Variants in GRHL3 observed in about 807,000 individuals in gnomAD.
GRHL3 encodes the protein grainyhead like transcription factor 3.
GRHL3 carries 20 observed loss-of-function variants against 70.3 expected under a neutral mutation model. The observed-to-expected ratio is 0.28, with a 90% CI of 0.20 to 0.41. The LOEUF is 0.41. Among genes scored for constraint, GRHL3 ranks in the 10% least tolerant of loss-of-function variants. GRHL3 has a pLI of 1.00. For synonymous variants in GRHL3, 299 were observed against 299.9 expected (o/e 1.00, Z 0.03); for missense variants, 637 against 762.3 (o/e 0.84, Z 1.94).
chr1:24,357,254 T>A (rs1351309773), downstream of GRHL3: 1 of 152,166 alleles, frequency 6.6e-6, no homozygotes, highest in Non-Finnish European at 1.5e-5. Flanking sequence ...AACGAGGTGA[T>A]GTGTGAAGGT....
downstream of GRHL3, among the ~76,000 whole-genome samples, chr1:24,359,195 C>G (rs1569952248): frequency 6.6e-6 from 1 of 152,184 alleles, no homozygotes; most frequent in African/African-American, 2.4e-5. This position sits in a 1 kb window ranked among gnomAD's most constrained non-coding sequence, Gnocchi z 5.3. Flanking sequence ...CAGGCAGATG[C>G]CGGCACGTGC....
In GRHL3 at chr1:24,336,770, G is replaced by A. The variant is rs1190713721; in HGVS notation, c.555G>A (p.Gly185=). 9 of 1,613,396 alleles carry A rather than the reference G, an allele frequency of 5.6e-6. No individual in the cohort carries two copies. The highest frequency in any genetic ancestry group is 8.5e-7 in the Non-Finnish European group (1 of 1,179,722). Residue 185 remains glycine, a synonymous_variant, in exon 4 of 16, where the codon GGG becomes GGA. Coordinates refer to ENST00000361548, the MANE Select transcript of GRHL3 (RefSeq NM_198173.3). ...SLNSLFESIH[G]VPPTQRWQPD... ...ACTCCTTGTTTGAGAGCATTCATGG[G>A]GTGCCGCCCACACAGCGCTGGCAGC...
rs757398629 is a variant in GRHL3, at chr1:24,331,556, G to A, written c.148G>A (p.Val50Ile). The change falls in exon 2 of 16, where the codon GTC becomes ATC. Residue 50 changes from valine to isoleucine, a missense_variant. Around this residue, in one of 2 missense-constraint regions of GRHL3, gnomAD observed 250 missense variants for 248.6 expected, o/e 1.01. Transcript: ENST00000361548. The part of the protein sequence containing the change: ...LTAATKAMMR[V>I]NGDDDSVAAL... ...AGCTGCCACAAAGGCCATGATGAGAGTCAATGGAGATGATGACAGTGTTGC... is the reference window on the plus strand; with the variant it reads ...AGCTGCCACAAAGGCCATGATGAGAATCAATGGAGATGATGACAGTGTTGC... 1.7e-5 allele frequency: 27 copies of A among 1,596,446 alleles called. No homozygotes were observed. The Admixed American group carries it at 4.0e-4, about 24-fold the overall frequency.
At chr1:24,354,286 G>A in intron 15 of GRHL3, 88 bp from the exon 16 acceptor site, 1 of 850,338 alleles carries the variant, frequency 1.2e-6, no homozygotes. Flanking sequence ...TACCCACTGG[G>A]TATGACCCAT....
chr1:24,333,860 G>A (rs1639698445), intron 2 of GRHL3, among the ~76,000 whole-genome samples: 1 of 152,128 alleles, frequency 6.6e-6, no homozygotes, highest in African/African-American at 2.4e-5. Context: ...TTAGTACAAT[G>A]CCTAGCCCAT....
At chr1:24,359,197 G>A (rs1184876408), downstream of GRHL3, among the ~76,000 whole-genome samples, 2 of 152,174 alleles carry the variant, frequency 1.3e-5, no homozygotes, top group Non-Finnish European at 2.9e-5. The surrounding 1 kb of genome is among the most constrained non-coding windows in gnomAD (Gnocchi z 5.3). Flanking sequence ...GGCAGATGCC[G>A]GCACGTGCAC....
chr1:24,361,858 G>A (rs567761951), intron 15 of GRHL3, among the ~76,000 whole-genome samples: 1 of 152,296 alleles, frequency 6.6e-6, no homozygotes, highest in South Asian at 2.1e-4. Context: ...TAAAAGGAAG[G>A]GGTTGGACAA....
In GRHL3 at chr1:24,334,235, T is replaced by C. The variant is rs1278421648; in HGVS notation, c.205-410T>C. Among the ~76,000 whole-genome samples the C allele has an allele frequency of 6.6e-6, 1 of 152,100 alleles. No individual in the cohort carries two copies. The highest frequency in any genetic ancestry group is 1.5e-5 in the Non-Finnish European group (1 of 68,018). ...TAATAAAGACATACCCAGGACTGGG[T>C]AATTTTTAAAGGAAAGAGGTTTAAT... On this transcript the variant is annotated intron_variant, in intron 2 of 15. Transcript: ENST00000361548. The surrounding 1 kb of genome is among the most constrained non-coding windows in gnomAD (Gnocchi z 4.3).
In GRHL3 at chr1:24,334,562, C is replaced by A; in HGVS notation, c.205-83C>A. ...CATATCACCAAAGTTACTCCCCTGC[C>A]TGGCCAAAGCTGCAGGAGGGGATTG... On this transcript the variant is annotated intron_variant, in intron 2 of 15. Coordinates refer to ENST00000361548, the MANE Select transcript of GRHL3 (RefSeq NM_198173.3). The surrounding 1 kb of genome is among the most constrained non-coding windows in gnomAD (Gnocchi z 4.3). The A allele has an allele frequency of 1.8e-6, 2 of 1,089,146 alleles. No individual in the cohort carries two copies. Among genetic ancestry groups the A allele is most frequent in the South Asian group, 1.3e-5 (1 of 75,136 alleles). The allele number at this position is 1,089,146 out of a possible 1,614,324, so 67.5% of individuals were successfully genotyped here.
rs1639170619 is a variant in GRHL3 at position 24,321,219 on chromosome 1, T to A, written c.17+1651T>A. The stretch of plus-strand genomic sequence containing the variant: ...TTACTTGAACAGAAAGGTTTCTTGC[T>A]TTTCTCCTCCCTAATGGTTTGGATT... On this transcript the variant is annotated intron_variant, in intron 1 of 15. Transcript: ENST00000361548. The surrounding 1 kb of genome is among the most constrained non-coding windows in gnomAD (Gnocchi z 4.0). Among the ~76,000 whole-genome samples the A allele has an allele frequency of 6.6e-6, 1 of 152,234 alleles. No homozygotes were observed. The highest frequency in any genetic ancestry group is 6.5e-5 in the Admixed American group (1 of 15,284).
rs1639891452 is a variant in GRHL3, at chr1:24,338,027, C to T, written c.876C>T (p.Val292=). The change falls in exon 7 of 16, where the codon GTC becomes GTT. Residue 292 remains valine (V), a synonymous_variant. Coordinates refer to ENST00000361548, the MANE Select transcript of GRHL3 (RefSeq NM_198173.3). ...TGGTTGTCTTCGACAATGAGAAGGT[C>T]CCAGTAGAGCAGCTGCGCTTCTGGA... ...VVMVVFDNEK[V]PVEQLRFWKH... is the part of the protein sequence containing the mutation. 3 of 1,612,714 alleles carry T rather than the reference C, an allele frequency of 1.9e-6. No homozygotes were observed. In the South Asian group the frequency reaches 3.3e-5, roughly 18 times the overall value.
intron 8 of GRHL3, 61 bp downstream of exon 8, chr1:24,339,823 G>C (rs1413900377): frequency 9.0e-7 from 1 of 1,114,656 alleles, no homozygotes; most frequent in Admixed American, 1.9e-5. Context: ...CTATTCTGGG[G>C]TAGAGGCTTT....
intron 8 of GRHL3, among the ~76,000 whole-genome samples, chr1:24,340,420 T>G (rs537291659): frequency 5.3e-5 from 8 of 152,308 alleles, no homozygotes; most frequent in Non-Finnish European, 1.0e-4. Flanking sequence ...CCTCTGGTGA[T>G]GTTTTCATGC....
chr1:24,326,411 A>C (rs1407711951), intron 1 of GRHL3, among the ~76,000 whole-genome samples: 74 of 45,070 alleles, frequency 1.6e-3, no homozygotes, highest in Middle Eastern at 0.012. Flanking sequence ...ATTCCCCTCC[A>C]CCCCTCTTCC....
At chr1:24,323,782 T>G (rs1341676834) in intron 1 of GRHL3, among the ~76,000 whole-genome samples, 1 of 152,224 alleles carries the variant, frequency 6.6e-6, no homozygotes, top group African/African-American at 2.4e-5. Context: ...CCTCCCCCTC[T>G]CTATTCCTTT....
intron 15 of GRHL3, among the ~76,000 whole-genome samples, chr1:24,363,166 C>T (rs1641232513): frequency 6.6e-6 from 1 of 152,224 alleles, no homozygotes; most frequent in Non-Finnish European, 1.5e-5. Flanking sequence ...TGTCTGCTTT[C>T]TTAGCCAAGG....
At chr1:24,346,795 G>A (rs1640306834) in intron 13 of GRHL3, among the ~76,000 whole-genome samples, 154 bp downstream of exon 13, 1 of 152,164 alleles carries the variant, frequency 6.6e-6, no homozygotes, top group African/African-American at 2.4e-5. Flanking sequence ...GGGGTAAGGA[G>A]GGAACCTCAG....
intron 11 of GRHL3, 41 bp downstream of exon 11, chr1:24,343,066 G>C (rs777506268): frequency 2.5e-6 from 4 of 1,612,686 alleles, no homozygotes; most frequent in Non-Finnish European, 3.4e-6. Flanking sequence ...GCCGAGAGAG[G>C]GTCCTGGCTC....
chr1:24,354,662 G>A lies in GRHL3; in HGVS notation c.*174G>A, dbSNP rs550676132. The A allele has an allele frequency of 3.6e-4, 196 of 551,856 alleles. No homozygotes were observed. Among genetic ancestry groups the A allele is most frequent in the African/African-American group, 3.3e-3 (173 of 53,018 alleles). 34.2% of individuals were successfully genotyped at this position (551,856 alleles called of 1,614,324 possible). On this transcript the variant is annotated 3_prime_UTR_variant, in exon 16 of 16. Coordinates refer to ENST00000361548, the MANE Select transcript of GRHL3 (RefSeq NM_198173.3). ...GTCAGGGCCAGGGAGAGACCTAGGG[G>A]GTCCCCTGGCCTGGATCCCCATGGT...
Sources: allele counts gnomAD v4.1 joint callset (sites outside exome capture counted in the v4.1 genomes callset), GRCh38; gene constraint gnomAD v4.1.1; regional missense constraint gnomAD v4.1.1; non-coding constraint Gnocchi (gnomAD v3.1); transcripts MANE v1.5; gene names NCBI Gene and HGNC (gene_info 2026-07-23, HGNC 2026-07-21).